The following LYRM4 variants were observed in gnomAD, a reference collection of about 807,000 sequenced individuals.
LYRM4 encodes the protein LYR motif-containing protein 4.
A neutral mutation model predicts 11.7 loss-of-function variants in LYRM4; 9 were observed. The observed-to-expected ratio is 0.77, with a 90% confidence interval of 0.46 to 1.34. LYRM4 has a LOEUF of 1.34. LYRM4 is among the 40% of genes most tolerant of loss of function. LYRM4 has a pLI of 0.00. For missense variants in LYRM4, 133 were observed against 112.5 expected, an observed-to-expected ratio of 1.18 and a Z score of -0.82; for synonymous variants, 42 against 40.4, an observed-to-expected ratio of 1.04 and a Z score of -0.15.
chr6:5,250,998 C>T (rs76733976), intron 1 of LYRM4, among the ~76,000 whole-genome samples: 3,017 of 152,312 alleles, frequency 0.02, 91 homozygotes, highest in African/African-American at 0.069. Context: ...AGCCCCAGTA[C>T]ATTCTGCAAA....
At chr6:5,180,620 T>C (rs994964364) in intron 2 of LYRM4, among the ~76,000 whole-genome samples, 6 of 152,220 alleles carry the variant, frequency 3.9e-5, no homozygotes, top group African/African-American at 1.4e-4. Context: ...TTCCTCAACA[T>C]GATCTCTGGT....
At chr6:5,136,473 C>T (rs458395) in intron 2 of LYRM4, 12 of 962,668 alleles carry the variant, frequency 1.2e-5, no homozygotes, top group Non-Finnish European at 1.2e-5. Context: ...TCACTGGCTC[C>T]GAAACCTTGG....
At chr6:5,159,009 C>T (rs542377613) in intron 2 of LYRM4, among the ~76,000 whole-genome samples, 1 of 152,262 alleles carries the variant, frequency 6.6e-6, no homozygotes, top group South Asian at 2.1e-4. Flanking sequence ...CTCGGCTGGG[C>T]CACATGGGGG....
intron 2 of LYRM4, among the ~76,000 whole-genome samples, chr6:5,166,132 G>A (rs552879231): frequency 1.8e-4 from 27 of 152,260 alleles, no homozygotes; most frequent in Non-Finnish European, 7.4e-5. Context: ...AGAATATGCT[G>A]TTCTGTGTTT....
the LYRM4 span, among the ~76,000 whole-genome samples, chr6:5,046,096 A>G: frequency 1.3e-5 from 2 of 152,180 alleles, no homozygotes; most frequent in African/African-American, 2.4e-5. Flanking sequence ...GGCCTTCAGC[A>G]TGAGCTTACC....
chr6:5,222,719 T>A (rs1762650783), intron 1 of LYRM4, among the ~76,000 whole-genome samples: 4 of 137,220 alleles, frequency 2.9e-5, no homozygotes, highest in South Asian at 2.3e-4. Flanking sequence ...AAAAAAAGTA[T>A]AGAAGTTATA....
At chr6:5,086,718 T>C in the LYRM4 span, 1 of 643,848 alleles carries the variant, frequency 1.6e-6, no homozygotes, top group East Asian at 2.8e-5. Context: ...AACCGTCGAC[T>C]CGCACCCCCG....
At chr6:5,253,349 G>A (rs1764518534) in intron 1 of LYRM4, among the ~76,000 whole-genome samples, 1 of 151,762 alleles carries the variant, frequency 6.6e-6, no homozygotes, top group Non-Finnish European at 1.5e-5. Flanking sequence ...TGCATTGCTG[G>A]AATTTGCTGT....
chr6:5,092,061 G>A, the LYRM4 span, among the ~76,000 whole-genome samples: 1 of 152,140 alleles, frequency 6.6e-6, no homozygotes, highest in Non-Finnish European at 1.5e-5. Flanking sequence ...TTAGGAGTGG[G>A]GCAGACAGAT....
rs200045918 is a variant in LYRM4, at chr6:5,155,766, C to T, written c.208-46275G>A. Among the ~76,000 whole-genome samples, 28 of 152,180 alleles carry T rather than the reference C, an allele frequency of 1.8e-4. No individual in the cohort carries two copies. The East Asian group carries it at 4.2e-3, about 23-fold the overall frequency. On this transcript the variant is annotated intron_variant, in intron 2 of 2. Coordinates refer to ENST00000330636, the MANE Select transcript of LYRM4 (RefSeq NM_020408.6). ...CTTTGAAGGCTCACATGTTAATGTACGGAGGAGCACTTAGGAAAGTTTAAG... is the reference window on the plus strand; with the variant it reads ...CTTTGAAGGCTCACATGTTAATGTATGGAGGAGCACTTAGGAAAGTTTAAG...
intron 1 of LYRM4, among the ~76,000 whole-genome samples, chr6:5,226,968 T>C (rs1762930745): frequency 6.6e-6 from 1 of 152,110 alleles, no homozygotes. Flanking sequence ...GTATATACAA[T>C]TAGATCTACG....
chr6:5,088,788 T>C, the LYRM4 span: 15 of 152,208 alleles, frequency 9.9e-5, no homozygotes, highest in African/African-American at 3.4e-4. Flanking sequence ...AGTAATCTTG[T>C]TTAGAATAAA....
At position 5,132,033 on chromosome 6, in the gene LYRM4, G is replaced by T. The variant is rs77067130; in HGVS notation, c.208-22542C>A. Reference sequence around the variant, plus strand: ...AACTTTTAACTTGGTTTAACCCGAAGCAAGTTTTCATGATCGTACCCAATT... The same window carrying T: ...AACTTTTAACTTGGTTTAACCCGAATCAAGTTTTCATGATCGTACCCAATT... On this transcript the variant is annotated intron_variant, in intron 2 of 2. Transcript: ENST00000330636. Among the ~76,000 whole-genome samples the T allele has an allele frequency of 1.4e-3, 206 of 152,280 alleles. 5 individuals carry two copies. In the East Asian group the frequency reaches 0.037, roughly 27 times the overall value.
At chr6:5,138,703 C>G (rs1193528362) in intron 2 of LYRM4, 1 of 1,531,296 alleles carries the variant, frequency 6.5e-7, no homozygotes, top group Non-Finnish European at 8.7e-7. Flanking sequence ...CAATAGAAAA[C>G]AAACCTGGTG....
intron 1 of LYRM4, among the ~76,000 whole-genome samples, chr6:5,245,747 G>T (rs1182518839): frequency 2.0e-5 from 3 of 152,212 alleles, no homozygotes; most frequent in Admixed American, 1.3e-4. Context: ...AAGTGTCACT[G>T]TGGAAACGTG....
At chr6:5,220,772 A>G (rs1171245637) in intron 1 of LYRM4, among the ~76,000 whole-genome samples, 3 of 152,162 alleles carry the variant, frequency 2.0e-5, no homozygotes, top group Non-Finnish European at 2.9e-5. Context: ...CTGGAGGTCA[A>G]GTCTTCATAT....
the LYRM4 span, among the ~76,000 whole-genome samples, chr6:5,059,880 A>T: frequency 0.063 from 9,538 of 151,686 alleles, 442 homozygotes; most frequent in Admixed American, 0.13. Flanking sequence ...AGCTCATTGC[A>T]GCCTTGAACT....
At chr6:5,066,967 C>T in the LYRM4 span, 2,081 of 977,782 alleles carry the variant, frequency 2.1e-3, 27 homozygotes, top group African/African-American at 0.032. Flanking sequence ...GGAAATCCGG[C>T]CACTGGGATC....
At chr6:5,119,794 C>CAAAAAAA (rs968606439) in intron 2 of LYRM4, among the ~76,000 whole-genome samples, 28 of 16,852 alleles carry the variant, frequency 1.7e-3, no homozygotes, top group African/African-American at 3.1e-3. Flanking sequence ...GTCTCCATAA[C>CAAAAAAA]AAAAAAAAAA....
Sources: gnomAD v4.1 joint callset for allele counts (sites outside exome capture counted in the v4.1 genomes callset) on GRCh38, gnomAD v4.1.1 for gene constraint, MANE v1.5 for transcripts, NCBI Gene and HGNC (gene_info 2026-07-23, HGNC 2026-07-21) for gene names.